Variants in NECAB2 observed in about 807,000 individuals in gnomAD.
The protein encoded by NECAB2 is N-terminal EF-hand calcium binding protein 2.
Under a neutral mutation model 51.9 loss-of-function variants are expected in NECAB2, and 68 were observed. The observed-to-expected ratio is 1.31, with a 90% CI of 1.08 to 1.60. The LOEUF (loss-of-function observed/expected upper bound fraction) is 1.60. Among genes scored for constraint, NECAB2 ranks in the 40% most tolerant of loss-of-function variants. NECAB2 has a pLI of 0.00. For synonymous variants in NECAB2, 329 were observed against 203.5 expected (o/e 1.62, Z -5.25); for missense variants, 854 against 490.3 (o/e 1.74, Z -7.00).
chr16:83,971,945 G>A, intron 1 of NECAB2: 1 of 649,362 alleles, frequency 1.5e-6, no homozygotes, highest in Non-Finnish European at 2.6e-6. Context: ...TTCCACGTGG[G>A]TGAGGGGAGG....
chr16:83,978,638 C>T (rs917273512), intron 3 of NECAB2, 86 bp downstream of exon 3: 2 of 1,172,688 alleles, frequency 1.7e-6, no homozygotes, highest in African/African-American at 3.1e-5. Context: ...TTCCTAGTCC[C>T]CTGTAAGGGG....
intron 5 of NECAB2, among the ~76,000 whole-genome samples, chr16:83,985,541 G>C (rs1286091929): frequency 6.6e-6 from 1 of 151,082 alleles, no homozygotes; most frequent in Non-Finnish European, 1.5e-5. Flanking sequence ...AGTGAGGCAG[G>C]AGAATGACTT....
At chr16:83,974,632 C>G (rs531652046) in intron 2 of NECAB2, among the ~76,000 whole-genome samples, 7 of 152,268 alleles carry the variant, frequency 4.6e-5, no homozygotes, top group East Asian at 3.9e-4. Flanking sequence ...TTCCAGATGA[C>G]GAAAACAAGG....
chr16:83,989,306 A>T (rs959946672), intron 5 of NECAB2, among the ~76,000 whole-genome samples: 3 of 152,224 alleles, frequency 2.0e-5, no homozygotes, highest in African/African-American at 7.2e-5. Context: ...TGTCCCCAGC[A>T]GACCCTGGTC....
intron 6 of NECAB2, among the ~76,000 whole-genome samples, chr16:83,991,504 T>G (rs2084625222): frequency 6.6e-6 from 1 of 150,490 alleles, no homozygotes; most frequent in Non-Finnish European, 1.5e-5. Flanking sequence ...GTAGCTGGGA[T>G]TACAGATGCC....
In NECAB2 at chr16:83,999,206, G is replaced by C. The variant is rs1040050386; in HGVS notation, c.962+889G>C. Reference sequence around the variant, plus strand: ...GAGGGGAGGAGTAGCCTGGGCAGGAGTGCGGCCGTTCCCGAGACTCGGCGT... The same window carrying C: ...GAGGGGAGGAGTAGCCTGGGCAGGACTGCGGCCGTTCCCGAGACTCGGCGT... On this transcript the variant is annotated intron_variant, in intron 10 of 12. Transcript: ENST00000305202. Among the ~76,000 whole-genome samples the C allele has an allele frequency of 3.3e-5, 5 of 152,224 alleles. No homozygotes were observed. In the East Asian group the frequency reaches 9.6e-4, roughly 29 times the overall value.
rs537952170 is a variant in NECAB2, at chr16:83,982,439, T to C, written c.459+1312T>C. Among the ~76,000 whole-genome samples the C allele has an allele frequency of 5.3e-3, 800 of 152,180 alleles. 5 individuals are homozygous for C. The highest frequency in any genetic ancestry group is 0.014 in the Middle Eastern group (4 of 294). On this transcript the variant is annotated intron_variant, in intron 5 of 12. Transcript: ENST00000305202. ...TCCCCAAGTATCAAGGTATAGGCGG[T>C]GGATTAGAAGGTAGCATGGGAAGAT...
chr16:83,995,878 G>C (rs897007679), intron 8 of NECAB2, among the ~76,000 whole-genome samples: 1 of 152,196 alleles, frequency 6.6e-6, no homozygotes, highest in African/African-American at 2.4e-5. Context: ...GGGACCCCGT[G>C]GCCCGGTTGT....
Position 83,994,689 on chromosome 16 carries a change from G to A in NECAB2, c.795+1G>A. 1 of 1,614,026 alleles carries A rather than the reference G, an allele frequency of 6.2e-7. No homozygotes were observed. The highest frequency in any genetic ancestry group is 1.3e-5 in the African/African-American group (1 of 75,064). On this transcript the variant is annotated splice_donor_variant, in intron 8 of 12. Transcript: ENST00000305202. LOFTEE classifies it high-confidence loss of function. ...GCTGATTGGGAGGCTGGAGAGCAAAGTAAGCCCTGGCCTGACCACGGCGTC... is the reference window on the plus strand; with the variant it reads ...GCTGATTGGGAGGCTGGAGAGCAAAATAAGCCCTGGCCTGACCACGGCGTC...
At chr16:83,994,208 G>A (rs1346786501) in intron 6 of NECAB2, 94 bp from the exon 7 acceptor site, 2 of 1,137,580 alleles carry the variant, frequency 1.8e-6, no homozygotes, top group Non-Finnish European at 2.6e-6. Flanking sequence ...TGAGTCCACT[G>A]TCTTGCGTAA....
chr16:83,990,889 A>G (rs1271475099), intron 6 of NECAB2, among the ~76,000 whole-genome samples: 2 of 152,192 alleles, frequency 1.3e-5, no homozygotes, highest in African/African-American at 2.4e-5. Context: ...AATACAGTGA[A>G]GACACCATTT....
chr16:83,990,244 T>G (rs1170215524), intron 5 of NECAB2, among the ~76,000 whole-genome samples: 1 of 152,140 alleles, frequency 6.6e-6, no homozygotes, highest in Non-Finnish European at 1.5e-5. Flanking sequence ...AGTGACCCCA[T>G]TATACTCTGG....
intron 8 of NECAB2, among the ~76,000 whole-genome samples, chr16:83,995,065 GAA>G (rs958580493): frequency 9.2e-5 from 14 of 152,228 alleles, no homozygotes; most frequent in Admixed American, 2.6e-4. Flanking sequence ...GCACCAGGAT[GAA>G]AGAGAGACGT....
At chr16:83,999,320 G>C (rs910409272) in intron 10 of NECAB2, among the ~76,000 whole-genome samples, 4 of 152,168 alleles carry the variant, frequency 2.6e-5, no homozygotes, top group Non-Finnish European at 5.9e-5. Flanking sequence ...CAGGAGCAGG[G>C]GCCAGACTTG....
At chr16:84,001,760 C>G (rs2084840684) in intron 11 of NECAB2, 65 bp from the exon 12 acceptor site, 4 of 1,557,696 alleles carry the variant, frequency 2.6e-6, no homozygotes, top group Non-Finnish European at 3.5e-6. Flanking sequence ...CTAGGATTAA[C>G]AGGGGAGCCA....
At chr16:83,979,273 C>T (rs766234757) in intron 3 of NECAB2, among the ~76,000 whole-genome samples, 8 of 152,304 alleles carry the variant, frequency 5.3e-5, no homozygotes, top group South Asian at 4.1e-4. Flanking sequence ...CAGGCCTACT[C>T]GCGTGATGAG....
chr16:84,000,720 G>A lies in NECAB2; in HGVS notation c.963-4G>A. On this transcript the variant is annotated splice_polypyrimidine_tract_variant and splice_region_variant and intron_variant, in intron 10 of 12. Coordinates refer to ENST00000305202, the MANE Select transcript of NECAB2 (RefSeq NM_019065.3). Reference sequence around the variant, plus strand: ...CTCCTCCCCCCGACCATCTCCTGTTGCAGCATCACTGCCGTGAGGCTCTCA... The same window carrying A: ...CTCCTCCCCCCGACCATCTCCTGTTACAGCATCACTGCCGTGAGGCTCTCA... 1.9e-6 allele frequency: 3 copies of A among 1,613,640 alleles called. No individual in the cohort carries two copies. The highest frequency in any genetic ancestry group is 1.3e-5 in the African/African-American group (1 of 75,018).
At chr16:83,996,541 G>C (rs939110974) in intron 8 of NECAB2, among the ~76,000 whole-genome samples, 1 of 152,160 alleles carries the variant, frequency 6.6e-6, no homozygotes, top group Non-Finnish European at 1.5e-5. Flanking sequence ...GATAGCCACA[G>C]AGGTGGTTAG....
At chr16:83,990,464 C>T (rs375716336) in intron 5 of NECAB2, 30 bp from the exon 6 acceptor site, 1 of 1,611,144 alleles carries the variant, frequency 6.2e-7, no homozygotes, top group Non-Finnish European at 8.5e-7. Flanking sequence ...CACCCCTTTC[C>T]CCTCAGTGCC....
Sources: gnomAD v4.1 joint callset for allele counts (sites outside exome capture counted in the v4.1 genomes callset) on GRCh38, gnomAD v4.1.1 for gene constraint, MANE v1.5 for transcripts, NCBI Gene and HGNC (gene_info 2026-07-23, HGNC 2026-07-21) for gene names.